The following FRY variants were observed in gnomAD, a reference collection of about 807,000 sequenced individuals.
FRY encodes protein furry homolog.
FRY carries 128 observed loss-of-function variants against 348.4 expected under a neutral mutation model. That is an observed-to-expected ratio of 0.37 (90% CI 0.32 to 0.43). The LOEUF is 0.43. FRY is among the 20% of genes least tolerant of loss of function. FRY has a pLI of 1.00. For missense variants in FRY, 2,736 were observed against 3,695.2 expected, an observed-to-expected ratio of 0.74 and a Z score of 6.73; for synonymous variants, 1,370 against 1,374.7, an observed-to-expected ratio of 1.00 and a Z score of 0.08.
rs1303542697 is a variant in FRY at position 32,173,985 on chromosome 13, G to A, written c.2334+436G>A. On this transcript the variant is annotated intron_variant, in intron 19 of 60. Transcript: ENST00000542859. ...TTAATCTTGATGATGGTAGAAAATG[G>A]CATCACAAAAAACACGTCCTCTTGA... Among the ~76,000 whole-genome samples the A allele has an allele frequency of 2.6e-5, 4 of 152,266 alleles. No individual in the cohort carries two copies. The South Asian group carries it at 6.2e-4, about 24-fold the overall frequency.
In FRY at chr13:32,202,412, AAGTATTCTC is replaced by A; in HGVS notation, c.3904_3912del (p.Ser1302_Leu1304del). 1 of 1,614,058 alleles carries A rather than the reference AAGTATTCTC, an allele frequency of 6.2e-7. No individual in the cohort carries two copies. The highest frequency in any genetic ancestry group is 8.5e-7 in the Non-Finnish European group (1 of 1,179,948). ...AGAAAGTCGCTGAGCAAAGACCGGG[AAGTATTCTC>A]TATGGAACACACGGCCCGCTGCCAC... On this transcript the variant is annotated inframe_deletion, in exon 31 of 61. Transcript: ENST00000542859.
In FRY at chr13:32,251,861, T is replaced by TTGTGTTTC; in HGVS notation, c.7171-15_7171-8dup. 1 of 1,590,162 alleles carries TTGTGTTTC rather than the reference T, an allele frequency of 6.3e-7. No homozygotes were observed. Among genetic ancestry groups the TTGTGTTTC allele is most frequent in the Middle Eastern group, 1.7e-4 (1 of 6,022 alleles). ...ACAGGAACCCATAATGAAACCTGCC[T>TTGTGTTTC]TGTGTTTCTTTTCCAGAAGAGAACA... On this transcript the variant is annotated splice_polypyrimidine_tract_variant and intron_variant, in intron 49 of 60. Coordinates refer to ENST00000542859, the MANE Select transcript of FRY (RefSeq NM_023037.3).
At chr13:32,050,509 C>T (rs940576075) in intron 1 of FRY, among the ~76,000 whole-genome samples, 12 of 152,148 alleles carry the variant, frequency 7.9e-5, no homozygotes, top group African/African-American at 2.9e-4. Flanking sequence ...TAGCAGTGTG[C>T]TTTCCTGGGC....
intron 1 of FRY, among the ~76,000 whole-genome samples, chr13:32,037,009 TTCTC>T (rs1471127484): frequency 7.0e-6 from 1 of 141,978 alleles, no homozygotes; most frequent in African/African-American, 2.7e-5. Flanking sequence ...GTCTCTCTGT[TTCTC>T]TCTCTCTCTG....
chr13:32,115,409 G>A (rs1447147518), intron 3 of FRY, among the ~76,000 whole-genome samples: 1 of 152,156 alleles, frequency 6.6e-6, no homozygotes, highest in Non-Finnish European at 1.5e-5. Context: ...AAGCATGTGT[G>A]TGAATTTGCC....
At chr13:32,260,906 G>T (rs1302715958) in intron 51 of FRY, among the ~76,000 whole-genome samples, 2 of 152,226 alleles carry the variant, frequency 1.3e-5, no homozygotes, top group Non-Finnish European at 2.9e-5. Context: ...CGAGGCAGGT[G>T]GATCATGAGG....
At position 32,163,195 on chromosome 13, in the gene FRY, G is replaced by T. The variant is rs150631684; in HGVS notation, c.1892+1944G>T. Among the ~76,000 whole-genome samples the T allele has an allele frequency of 3.8e-3, 580 of 152,318 alleles. 3 individuals are homozygous for T. Among genetic ancestry groups the T allele is most frequent in the African/African-American group, 0.013 (557 of 41,566 alleles). On this transcript the variant is annotated intron_variant, in intron 17 of 60. Transcript: ENST00000542859. Reference sequence around the variant, plus strand: ...AGAGGGTGGCATGACCAGGAGACGTGTATTTCCCCAGAGCACAGGTGGCTG... The same window carrying T: ...AGAGGGTGGCATGACCAGGAGACGTTTATTTCCCCAGAGCACAGGTGGCTG...
At chr13:32,043,596 C>T (rs573751988) in intron 1 of FRY, among the ~76,000 whole-genome samples, 1 of 152,092 alleles carries the variant, frequency 6.6e-6, no homozygotes, top group African/African-American at 2.4e-5. Context: ...TCGTCATTGG[C>T]AAGATAAAGA....
intron 29 of FRY, among the ~76,000 whole-genome samples, chr13:32,198,812 A>G (rs1883840581): frequency 6.6e-6 from 1 of 152,198 alleles, no homozygotes. Context: ...TTAAAAATAC[A>G]AGTTACAGAA....
At chr13:32,166,307 C>T (rs185896605) in intron 17 of FRY, among the ~76,000 whole-genome samples, 22 of 152,336 alleles carry the variant, frequency 1.4e-4, no homozygotes, top group East Asian at 5.8e-4. Context: ...ATTATAACTG[C>T]GTCTGTTTAA....
chr13:32,062,344 T>C (rs1873994278), intron 1 of FRY, among the ~76,000 whole-genome samples: 1 of 152,156 alleles, frequency 6.6e-6, no homozygotes, highest in African/African-American at 2.4e-5. Flanking sequence ...CGTTAGTGTA[T>C]TTTGGCTGAA....
intron 59 of FRY, among the ~76,000 whole-genome samples, chr13:32,293,327 T>G (rs1889471208): frequency 6.6e-6 from 1 of 152,272 alleles, no homozygotes; most frequent in African/African-American, 2.4e-5. Flanking sequence ...AATATCTTGT[T>G]TTAAAAGATT....
Position 32,229,260 on chromosome 13 carries a change from G to A in FRY, c.5405+606G>A, listed in dbSNP as rs578244703. Among the ~76,000 whole-genome samples, 4 of 152,282 alleles carry A rather than the reference G, an allele frequency of 2.6e-5. No homozygotes were observed. The South Asian group carries it at 8.3e-4, about 32-fold the overall frequency. ...TAACCATTTAGCTTGTAAGGCTTCA[G>A]GATTTCTAACACCCTGCGGTCTGGT... On this transcript the variant is annotated intron_variant, in intron 40 of 60. Coordinates refer to ENST00000542859, the MANE Select transcript of FRY (RefSeq NM_023037.3).
intron 55 of FRY, among the ~76,000 whole-genome samples, chr13:32,270,907 A>T (rs1888170106): frequency 6.6e-6 from 1 of 152,212 alleles, no homozygotes; most frequent in African/African-American, 2.4e-5. Flanking sequence ...CAGTAAATGT[A>T]GGAAGAATAA....
chr13:32,205,782 A>G (rs1055964891), intron 31 of FRY, among the ~76,000 whole-genome samples: 1 of 152,008 alleles, frequency 6.6e-6, no homozygotes, highest in Admixed American at 6.6e-5. Context: ...GCCTGGTTGC[A>G]GTGTGGAGGG....
intron 36 of FRY, among the ~76,000 whole-genome samples, chr13:32,221,335 T>A (rs1347765663): frequency 1.3e-5 from 2 of 152,170 alleles, no homozygotes; most frequent in Non-Finnish European, 2.9e-5. Flanking sequence ...AAAGACGACA[T>A]AGTATGTTCT....
rs373326793 is a variant in FRY at position 32,295,412 on chromosome 13, C to T, written c.8994C>T (p.Val2998=). 5.3e-5 allele frequency: 85 copies of T among 1,612,358 alleles called. No homozygotes were observed. Among genetic ancestry groups the T allele is most frequent in the Non-Finnish European group, 6.5e-5 (77 of 1,179,908 alleles). ...TCCGCAGGGCCCAGAGTTACCGAGTCCTCACTACTTTTCTTCCAGACTCCA... is the reference window on the plus strand; with the variant it reads ...TCCGCAGGGCCCAGAGTTACCGAGTTCTCACTACTTTTCTTCCAGACTCCA... The part of the protein sequence containing the change: ...DMIRRAQSYR[V]LTTFLPDSSV... The change falls in exon 61 of 61, where the codon GTC becomes GTT. Residue 2998 remains valine (V), a synonymous_variant. Coordinates refer to ENST00000542859, the MANE Select transcript of FRY (RefSeq NM_023037.3).
At chr13:32,291,312 A>C (rs905732787) in intron 59 of FRY, among the ~76,000 whole-genome samples, 6 of 152,132 alleles carry the variant, frequency 3.9e-5, no homozygotes, top group Non-Finnish European at 8.8e-5. Context: ...GTTTTCCTCT[A>C]TTCAATTATA....
intron 51 of FRY, among the ~76,000 whole-genome samples, chr13:32,259,149 G>T (rs1030449515): frequency 6.6e-6 from 1 of 152,102 alleles, no homozygotes; most frequent in Non-Finnish European, 1.5e-5. Context: ...TTTTCACTTT[G>T]TATGTAACAT....
Sources: gnomAD v4.1 joint callset for allele counts (sites outside exome capture counted in the v4.1 genomes callset) on GRCh38, gnomAD v4.1.1 for gene constraint, MANE v1.5 for transcripts, NCBI Gene and HGNC (gene_info 2026-07-23, HGNC 2026-07-21) for gene names.